RNF138: variants seen among roughly 807,000 people sequenced by gnomAD.
The protein encoded by RNF138 is ring finger protein 138.
In RNF138, 12 loss-of-function variants were observed where a neutral mutation model predicts 31.0. That is an observed-to-expected ratio of 0.39 (90% confidence interval 0.25 to 0.63). The LOEUF is 0.63. Among genes scored for constraint, RNF138 ranks in the 20% least tolerant of loss-of-function variants. The pLI, the probability that RNF138 is intolerant of heterozygous loss-of-function variation, is 0.52. For missense variants in RNF138, 192 were observed against 300.1 expected (o/e 0.64, Z 2.66); for synonymous variants, 105 against 99.5 (o/e 1.06, Z -0.33).
intron 4 of RNF138, among the ~76,000 whole-genome samples, chr18:32,115,757 ACG>A (rs1176279920): frequency 6.6e-6 from 1 of 151,774 alleles, no homozygotes; most frequent in Non-Finnish European, 1.5e-5. Flanking sequence ...ACACACACAC[ACG>A]CACACACACG....
At chr18:32,112,728 A>G (rs951541298) in intron 3 of RNF138, among the ~76,000 whole-genome samples, 8 of 152,220 alleles carry the variant, frequency 5.3e-5, no homozygotes, top group African/African-American at 1.7e-4. Flanking sequence ...GGTTAATTTT[A>G]AGGAACATGT....
intron 7 of RNF138, among the ~76,000 whole-genome samples, chr18:32,127,311 C>T: frequency 6.6e-6 from 1 of 152,136 alleles, no homozygotes; most frequent in Non-Finnish European, 1.5e-5. Context: ...AAAATGAATT[C>T]ATAAAGCAAA....
chr18:32,103,855 A>G (rs911883785), intron 2 of RNF138, among the ~76,000 whole-genome samples: 86 of 61,232 alleles, frequency 1.4e-3, no homozygotes, highest in Admixed American at 9.0e-3. Context: ...AGTCCCAGCT[A>G]CTCGGGAGGC....
At chr18:32,105,238 C>T (rs566604074) in intron 2 of RNF138, among the ~76,000 whole-genome samples, 3 of 152,056 alleles carry the variant, frequency 2.0e-5, no homozygotes, top group South Asian at 4.2e-4. Context: ...ATTACATGCA[C>T]CTGCCACCAT....
In RNF138 at chr18:32,092,885, G is replaced by A. The variant is rs1351514733; in HGVS notation, c.109G>A (p.Val37Ile). 3.9e-6 allele frequency: 6 copies of A among 1,538,488 alleles called. No individual in the cohort carries two copies. Among genetic ancestry groups the A allele is most frequent in the Non-Finnish European group, 5.3e-6 (6 of 1,139,632 alleles). The change falls in exon 2 of 8, where the codon GTT becomes ATT. Residue 37 changes from valine to isoleucine, a missense_variant and splice_region_variant. By Grantham distance (29) the Val-to-Ile change is conservative. Transcript: ENST00000261593. ...TPVRTTACQH[V>I]FCRKCFLTAM... ...CGTGCGGACCACGGCCTGTCAGCAC[G>A]TGTGAGTAGACGCCCCCTCCCCCTC...
In RNF138 at chr18:32,107,763, C is replaced by T. The variant is rs572304063; in HGVS notation, c.111-3991C>T. ...CGAACTCCTGACCTTGTTATCCACC[C>T]GCCTCAGCCTCCCAAAGTGCTGGGA... On this transcript the variant is annotated intron_variant, in intron 2 of 7. Transcript: ENST00000261593. Among the ~76,000 whole-genome samples, 33 of 151,848 alleles carry T rather than the reference C, an allele frequency of 2.2e-4. 1 individual carries two copies. In the Middle Eastern group the frequency reaches 0.014, roughly 63 times the overall value.
chr18:32,113,651 G>A (rs985576538), intron 3 of RNF138, 94 bp from the exon 4 acceptor site: 1 of 551,286 alleles, frequency 1.8e-6, no homozygotes, highest in Admixed American at 4.0e-5. Context: ...TTTAAATGGA[G>A]TATTTAGTTA....
chr18:32,107,116 CTTTTTTTTTT>C (rs58774714), intron 2 of RNF138, among the ~76,000 whole-genome samples: 45 of 100,588 alleles, frequency 4.5e-4, no homozygotes, highest in Non-Finnish European at 7.1e-4. Context: ...TCCTTTTTTC[CTTTTTTTTTT>C]TTTTTTTTTT....
At chr18:32,110,393 T>C (rs887008486) in intron 2 of RNF138, among the ~76,000 whole-genome samples, 1 of 152,226 alleles carries the variant, frequency 6.6e-6, no homozygotes, top group African/African-American at 2.4e-5. Flanking sequence ...TGACAAATAA[T>C]GTGTTAAGCA....
Position 32,100,814 on chromosome 18 carries a change from G to A in RNF138, c.110+7928G>A, listed in dbSNP as rs186285187. 1.3e-3 allele frequency among the ~76,000 whole-genome samples: 192 copies of A among 152,126 alleles called. No homozygotes were observed. The Middle Eastern group carries it at 0.017, about 13-fold the overall frequency. On this transcript the variant is annotated intron_variant, in intron 2 of 7. Transcript: ENST00000261593. ...TAGACTGGGTTTCACCATGTTGGCC[G>A]GGCTGGTCTCGAATGCCTGAGCTCA...
At chr18:32,116,903 TTTTAA>T (rs1444541728) in intron 4 of RNF138, among the ~76,000 whole-genome samples, 1 of 151,374 alleles carries the variant, frequency 6.6e-6, no homozygotes, top group Non-Finnish European at 1.5e-5. Flanking sequence ...TTATTTTTAT[TTTTAA>T]TTTATTTATT....
intron 4 of RNF138, 89 bp downstream of exon 4, chr18:32,113,949 G>A (rs982477499): frequency 5.7e-6 from 3 of 527,048 alleles, no homozygotes; most frequent in South Asian, 2.4e-5. Flanking sequence ...TTGGGGGGAT[G>A]TGTGTGTGTG....
intron 3 of RNF138, 68 bp from the exon 4 acceptor site, chr18:32,113,677 C>G (rs1463407129): frequency 4.4e-6 from 3 of 676,386 alleles, no homozygotes; most frequent in Non-Finnish European, 4.7e-6. Flanking sequence ...ATTTTTTCCT[C>G]TCTTTACACT....
In RNF138 at chr18:32,129,799, A is replaced by T. The variant is rs1271859203; in HGVS notation, c.*612A>T. 1 of 152,548 alleles carries T rather than the reference A, an allele frequency of 6.6e-6. No homozygotes were observed. The highest frequency in any genetic ancestry group is 3.2e-3 in the Middle Eastern group (1 of 316). The allele number at this position is 152,548 out of a possible 1,614,324, so 9.4% of individuals were successfully genotyped here. On this transcript the variant is annotated 3_prime_UTR_variant, in exon 8 of 8. Transcript: ENST00000261593. ...TAAAAAGTGAAAGCTTGTTGTAAAG[A>T]TATTTTCTTTTTGTTATTAGAAGGA...
chr18:32,128,189 TAAG>T (rs1032992980), intron 7 of RNF138, among the ~76,000 whole-genome samples: 35 of 152,332 alleles, frequency 2.3e-4, no homozygotes, highest in Middle Eastern at 6.8e-3. Flanking sequence ...TTTTTTAAAT[TAAG>T]GAGTAGTTTT....
chr18:32,124,780 A>C lies in RNF138; in HGVS notation c.496A>C (p.Asn166His). 6.2e-7 allele frequency: 1 copy of C among 1,607,432 alleles called. No homozygotes were observed. Among genetic ancestry groups the C allele is most frequent in the Admixed American group, 1.7e-5 (1 of 60,014 alleles). ...TAAGTGTCCCCTGTGTCAAGAATCA[A>C]ATTTTACCAGACAGCGTTTACTGGA... The part of the protein sequence containing the change: ...TFKCPLCQES[N>H]FTRQRLLDHC... The change falls in exon 6 of 8, where the codon AAT becomes CAT. Residue 166 changes from asparagine (N) to histidine (H), a missense_variant. Physicochemically the swap from Asn to His is moderately conservative, Grantham distance 68. Around this residue, in one of 2 missense-constraint regions of RNF138, gnomAD observed 140 missense variants for 251.7 expected, o/e 0.56. Coordinates refer to ENST00000261593, the MANE Select transcript of RNF138 (RefSeq NM_016271.5).
At chr18:32,107,197 T>C (rs1486680330) in intron 2 of RNF138, among the ~76,000 whole-genome samples, 1 of 134,786 alleles carries the variant, frequency 7.4e-6, no homozygotes, top group African/African-American at 2.8e-5. Flanking sequence ...CTCGGCTCCC[T>C]GCAACCTCTG....
At chr18:32,097,567 T>G (rs2144563271) in intron 2 of RNF138, among the ~76,000 whole-genome samples, 1 of 152,244 alleles carries the variant, frequency 6.6e-6, no homozygotes, top group African/African-American at 2.4e-5. Context: ...TACTGTAACC[T>G]CCACCTCCTG....
At chr18:32,116,452 T>C (rs1410906043) in intron 4 of RNF138, among the ~76,000 whole-genome samples, 2 of 151,988 alleles carry the variant, frequency 1.3e-5, no homozygotes, top group African/African-American at 4.8e-5. Context: ...CTGATTGCAA[T>C]GGAAGAATTG....
Sources: allele counts gnomAD v4.1 joint callset (sites outside exome capture counted in the v4.1 genomes callset), GRCh38; gene constraint gnomAD v4.1.1; regional missense constraint gnomAD v4.1.1; transcripts MANE v1.5; gene names NCBI Gene and HGNC (gene_info 2026-07-23, HGNC 2026-07-21).